The following APC variants were observed in gnomAD, a reference collection of about 807,000 sequenced individuals.
APC encodes the protein adenomatous polyposis coli protein.
Under a neutral mutation model 247.0 loss-of-function variants are expected in APC, and 72 were observed. The observed-to-expected ratio is 0.29, with a 90% confidence interval of 0.24 to 0.35. The LOEUF (loss-of-function observed/expected upper bound fraction) is 0.35. APC is among the 10% of genes least tolerant of loss of function. The pLI, the probability that APC is intolerant of heterozygous loss-of-function variation, is 1.00. For synonymous variants in APC, 1,254 were observed against 1,162.5 expected, an observed-to-expected ratio of 1.08 and a Z score of -1.60; for missense variants, 3,400 against 3,360.7, an observed-to-expected ratio of 1.01 and a Z score of -0.29.
rs4705610 is a variant in APC, at chr5:112,742,223, G to C, written c.-19+4298G>C. Among the ~76,000 whole-genome samples the C allele has an allele frequency of 0.41, 61,755 of 151,996 alleles. 14,886 individuals are homozygous for C. The highest frequency in any genetic ancestry group is 0.68 in the East Asian group (3,499 of 5,178). ...ATTTTACTTTATGTCCATCTAGTTT[G>C]TGATGCTAACTCTGCTCTATAGTAT... is the stretch of plus-strand genomic sequence containing the variant. On this transcript the variant is annotated intron_variant, in intron 1 of 15. Coordinates refer to ENST00000257430, the MANE Select transcript of APC (RefSeq NM_000038.6).
rs563750463 is a variant in APC at position 112,765,011 on chromosome 5, AC to A, written c.136-1313del. Among the ~76,000 whole-genome samples, 347 of 152,324 alleles carry A rather than the reference AC, an allele frequency of 2.3e-3. 2 individuals are homozygous for A. The highest frequency in any genetic ancestry group is 7.9e-3 in the African/African-American group (329 of 41,576). ...CACCTTCATGCCCCCACATCTACTT[AC>A]CAAAGCCTTTCAAACTCCAACATAG... On this transcript the variant is annotated intron_variant, in intron 2 of 15. Coordinates refer to ENST00000257430, the MANE Select transcript of APC (RefSeq NM_000038.6).
intron 1 of APC, among the ~76,000 whole-genome samples, chr5:112,731,483 G>A (rs1031894687): frequency 2.0e-5 from 3 of 152,126 alleles, no homozygotes; most frequent in African/African-American, 7.2e-5. Context: ...GTAGCCTCAG[G>A]CTTTTTAATA....
chr5:112,715,718 T>G (rs1239361339), intron 1 of APC, among the ~76,000 whole-genome samples: 4 of 152,332 alleles, frequency 2.6e-5, no homozygotes, highest in African/African-American at 7.2e-5. Context: ...GTGTATAAAA[T>G]GTGTAATGAT....
At chr5:112,832,281 T>C (rs1476259838) in intron 14 of APC, among the ~76,000 whole-genome samples, 1 of 152,198 alleles carries the variant, frequency 6.6e-6, no homozygotes, top group Non-Finnish European at 1.5e-5. Context: ...TTCAGTCCTT[T>C]AAATTCTTGC....
At chr5:112,784,152 C>T (rs1031608233) in intron 6 of APC, among the ~76,000 whole-genome samples, 1 of 152,174 alleles carries the variant, frequency 6.6e-6, no homozygotes. Context: ...ACTGCAACCC[C>T]CACCTCCTGG....
At chr5:112,752,104 A>C (rs183341635) in intron 1 of APC, among the ~76,000 whole-genome samples, 78 of 151,998 alleles carry the variant, frequency 5.1e-4, no homozygotes, top group African/African-American at 1.7e-3. Context: ...TCTTCTAGTA[A>C]ATTATTTTGG....
chr5:112,791,510 C>T (rs1759584956), intron 6 of APC, among the ~76,000 whole-genome samples: 1 of 152,122 alleles, frequency 6.6e-6, no homozygotes, highest in African/African-American at 2.4e-5. Context: ...TTGTGAACTG[C>T]ACATGTGAGG....
intron 7 of APC, among the ~76,000 whole-genome samples, chr5:112,793,034 T>C (rs994636666): frequency 6.6e-6 from 1 of 151,830 alleles, no homozygotes. Flanking sequence ...AAGGCAGCAA[T>C]AGGAATGAAA....
intron 9 of APC, among the ~76,000 whole-genome samples, chr5:112,818,393 T>A (rs1302004495): frequency 6.6e-6 from 1 of 152,216 alleles, no homozygotes; most frequent in Non-Finnish European, 1.5e-5. Flanking sequence ...CTCTGTATGA[T>A]CATGGCATTT....
intron 14 of APC, 101 bp from the exon 15 acceptor site, chr5:112,834,850 A>C (rs186435693): frequency 9.4e-7 from 1 of 1,065,150 alleles, no homozygotes; most frequent in African/African-American, 1.6e-5. Flanking sequence ...GGGCAATAGG[A>C]TAGATTAAAA....
chr5:112,778,976 T>C (rs1324872394), intron 5 of APC, among the ~76,000 whole-genome samples: 1 of 151,996 alleles, frequency 6.6e-6, no homozygotes, highest in East Asian at 1.9e-4. Flanking sequence ...GAGAAAACCG[T>C]TTTGAAAACA....
chr5:112,766,495 C>G (rs1051770269), intron 3 of APC, 85 bp downstream of exon 3: 17 of 874,558 alleles, frequency 1.9e-5, no homozygotes, highest in Non-Finnish European at 2.7e-5. Context: ...CAGCTTCTCT[C>G]GATTTGGGTG....
chr5:112,803,412 G>A (rs1761041220), intron 8 of APC, among the ~76,000 whole-genome samples: 1 of 152,164 alleles, frequency 6.6e-6, no homozygotes, highest in South Asian at 2.1e-4. Context: ...TTAGTCAGCT[G>A]TAGATTAGTT....
chr5:112,801,508 G>C, intron 8 of APC, 125 bp downstream of exon 8: 1 of 668,826 alleles, frequency 1.5e-6, no homozygotes, highest in Non-Finnish European at 2.6e-6. Flanking sequence ...CATATTTCCA[G>C]AAGCATTCAG....
At chr5:112,836,554 C>T (rs998500827) in intron 15 of APC, among the ~76,000 whole-genome samples, 1 of 152,128 alleles carries the variant, frequency 6.6e-6, no homozygotes, top group Non-Finnish European at 1.5e-5. Flanking sequence ...AGTTTGCCTG[C>T]GTTAAACAAG....
Position 112,842,259 on chromosome 5 carries a change from C to A in APC, c.6665C>A (p.Pro2222His), listed in dbSNP as rs367761032. 1 of 1,613,992 alleles carries A rather than the reference C, an allele frequency of 6.2e-7. No homozygotes were observed. Among genetic ancestry groups the A allele is most frequent in the Middle Eastern group, 1.6e-4 (1 of 6,062 alleles). The change falls in exon 16 of 16, where the codon CCT becomes CAT. Residue 2222 changes from proline to histidine, a missense_variant. Physicochemically the swap from Pro to His is moderately conservative, Grantham distance 77. Transcript: ENST00000257430. The part of the protein sequence containing the change: ...QMKQPLQANM[P>H]SISRGRTMIH... ...AAACAGCCCCTTCAAGCAAACATGCCTTCAATCTCTCGAGGCAGGACAATG... is the reference window on the plus strand; with the variant it reads ...AAACAGCCCCTTCAAGCAAACATGCATTCAATCTCTCGAGGCAGGACAATG...
In APC at chr5:112,765,245, C is replaced by T. The variant is rs559720667; in HGVS notation, c.136-1081C>T. ...TCAGCCTCCCAAGTAGCTGGGACTA[C>T]AGGCACATGCCACCACTCATGGTTT... On this transcript the variant is annotated intron_variant, in intron 2 of 15. Transcript: ENST00000257430. Among the ~76,000 whole-genome samples the T allele has an allele frequency of 6.6e-5, 10 of 152,272 alleles. No homozygotes were observed. In the East Asian group the frequency reaches 1.9e-3, roughly 29 times the overall value.
intron 11 of APC, among the ~76,000 whole-genome samples, chr5:112,823,614 A>T (rs1205632125): frequency 6.6e-6 from 1 of 152,206 alleles, no homozygotes; most frequent in African/African-American, 2.4e-5. Context: ...TACATATATG[A>T]AGATTCTACA....
rs2545163 is a variant in APC at position 112,819,807 on chromosome 5, C to G, written c.1312+463C>G. On this transcript the variant is annotated intron_variant, in intron 10 of 15. Coordinates refer to ENST00000257430, the MANE Select transcript of APC (RefSeq NM_000038.6). The stretch of plus-strand genomic sequence containing the variant: ...GTTATTTGCTCCTCACATCAACCTA[C>G]TGAAGTAGGAAGGGAAGGTATTATC... Among the ~76,000 whole-genome samples the G allele has an allele frequency of 0.66, 99,745 of 152,002 alleles. 33,126 individuals carry two copies. Among genetic ancestry groups the G allele is most frequent in the East Asian group, 0.9 (4,660 of 5,172 alleles).
Sources: gnomAD v4.1 joint callset for allele counts (sites outside exome capture counted in the v4.1 genomes callset) on GRCh38, gnomAD v4.1.1 for gene constraint, MANE v1.5 for transcripts, NCBI Gene and HGNC (gene_info 2026-07-23, HGNC 2026-07-21) for gene names.